SNAP47: variants seen among roughly 807,000 people sequenced by gnomAD.
SNAP47 encodes the protein synaptosome associated protein 47, also known as synaptosomal-associated protein 47.
Under a neutral mutation model 31.4 loss-of-function variants are expected in SNAP47, and 20 were observed. The observed-to-expected ratio is 0.64, with a 90% CI of 0.45 to 0.93. The LOEUF (loss-of-function observed/expected upper bound fraction) is 0.93, where lower values mean the gene tolerates loss of function less well. SNAP47 is among the 40% of genes least tolerant of loss of function. The probability of loss-of-function intolerance (pLI) is 0.00; values close to 1 mark genes in which losing one functional copy is unlikely to be tolerated. For missense variants in SNAP47, 492 were observed against 528.5 expected (o/e 0.93, Z 0.68); for synonymous variants, 194 against 213.4 (o/e 0.91, Z 0.79).
At chr1:227,739,523 T>C (rs965551057) in intron 1 of SNAP47, among the ~76,000 whole-genome samples, 4 of 152,202 alleles carry the variant, frequency 2.6e-5, no homozygotes, top group African/African-American at 9.6e-5. Flanking sequence ...GGCCGCACCC[T>C]ACCGCCCCTG....
At chr1:227,750,597 T>TCCTGGCTTCTCCCTGC (rs1310527730) in intron 2 of SNAP47, among the ~76,000 whole-genome samples, 1 of 152,134 alleles carries the variant, frequency 6.6e-6, no homozygotes, top group Admixed American at 6.5e-5. Flanking sequence ...GGTGCCTCCG[T>TCCTGGCTTCTCCCTGC]CCTGGCTTCT....
rs1254995895 is a variant in SNAP47 at position 227,781,210 on chromosome 1, G to C, written c.*537G>C. ...GGCCCCGTTTCCATCCAGAAATAAA[G>C]GGAAATGCTGGCTTCAGAGTGGTTT... On this transcript the variant is annotated 3_prime_UTR_variant, in exon 5 of 5. Transcript: ENST00000617596. 1 of 153,998 alleles carries C rather than the reference G, an allele frequency of 6.5e-6. No individual in the cohort carries two copies. Among genetic ancestry groups the C allele is most frequent in the Non-Finnish European group, 1.4e-5 (1 of 69,278 alleles). The allele number at this position is 153,998 out of a possible 1,614,324, so 9.5% of individuals were successfully genotyped here.
intron 4 of SNAP47, chr1:227,777,266 C>T (rs75900632): frequency 0.022 from 6,240 of 288,210 alleles, 77 homozygotes; most frequent in Non-Finnish European, 0.026. Context: ...GGGTCACTAG[C>T]ACGGCCAGTA....
rs371421049 is a variant in SNAP47, at chr1:227,747,653, A to G, written c.-45-39A>G. On this transcript the variant is annotated intron_variant, in intron 1 of 4. Coordinates refer to ENST00000617596, the MANE Select transcript of SNAP47 (RefSeq NM_053052.4). ...GTGGGGTTGCTTGTGTCTCCAGTCC[A>G]TGGGTGACGGCAGAACGTTACTGTC... The G allele has an allele frequency of 3.2e-5, 50 of 1,543,606 alleles. No individual in the cohort carries two copies. The African/African-American group carries it at 5.5e-4, about 17-fold the overall frequency.
At chr1:227,764,605 T>C (rs1663270220) in intron 3 of SNAP47, among the ~76,000 whole-genome samples, 1 of 151,810 alleles carries the variant, frequency 6.6e-6, no homozygotes, top group Admixed American at 6.6e-5. Flanking sequence ...CCCGTCTCTA[T>C]AAAAAAATAC....
intron 4 of SNAP47, chr1:227,770,642 C>T (rs1414971917): frequency 6.5e-6 from 1 of 154,870 alleles, no homozygotes; most frequent in East Asian, 1.9e-4. Context: ...TTCCCTATCC[C>T]TGATGTCTCT....
chr1:227,733,981 G>T (rs775524177), upstream of SNAP47: 1 of 1,613,952 alleles, frequency 6.2e-7, no homozygotes, highest in Non-Finnish European at 8.5e-7. Context: ...CATTCAGCCA[G>T]TCGGACGAGA....
At chr1:227,734,793 T>C (rs770598902), upstream of SNAP47, 2 of 1,614,014 alleles carry the variant, frequency 1.2e-6, no homozygotes, top group South Asian at 2.2e-5. Flanking sequence ...ACCCCACAGT[T>C]TGCAACTGGT....
At chr1:227,768,220 T>A in intron 4 of SNAP47, 1 of 957,762 alleles carries the variant, frequency 1.0e-6, no homozygotes, top group Non-Finnish European at 1.2e-6. Flanking sequence ...AGTCTCCAGG[T>A]GCAGCTTCCG....
intron 2 of SNAP47, among the ~76,000 whole-genome samples, chr1:227,752,925 C>G (rs1418904943): frequency 1.3e-5 from 2 of 152,220 alleles, no homozygotes; most frequent in African/African-American, 4.8e-5. Context: ...CTGGCCAGCC[C>G]ATTCCCAGAG....
upstream of SNAP47, chr1:227,731,198 G>A (rs569197195): frequency 3.3e-5 from 5 of 152,500 alleles, no homozygotes; most frequent in Admixed American, 3.3e-4. Context: ...CTGTTGGCTG[G>A]AGCGCATTCA....
rs190428552 is a variant in SNAP47 at position 227,747,283 on chromosome 1, G to A, written c.-45-409G>A. On this transcript the variant is annotated intron_variant, in intron 1 of 4. Coordinates refer to ENST00000617596, the MANE Select transcript of SNAP47 (RefSeq NM_053052.4). ...GCTCCTTGGAACGGTCTGAGAGTAC[G>A]TCCTGGGACTGAGGTCCGAGGCCCA... 7.3e-4 allele frequency: 125 copies of A among 170,332 alleles called. 1 individual carries two copies. The Middle Eastern group carries it at 0.01, about 14-fold the overall frequency. The allele number at this position is 170,332 out of a possible 1,614,324, so 10.6% of individuals were successfully genotyped here.
chr1:227,768,917 G>A (rs967065318), intron 4 of SNAP47, among the ~76,000 whole-genome samples: 2 of 152,208 alleles, frequency 1.3e-5, no homozygotes, highest in African/African-American at 2.4e-5. Context: ...TGTATCCCAC[G>A]GTTGTGTTTA....
At chr1:227,734,208 G>A (rs1660894883), upstream of SNAP47, 1 of 681,270 alleles carries the variant, frequency 1.5e-6, no homozygotes. Context: ...GAGGGGGCGG[G>A]GCAGTCTGAC....
At chr1:227,776,133 G>A (rs948994662) in intron 4 of SNAP47, 6 of 1,161,974 alleles carry the variant, frequency 5.2e-6, no homozygotes, top group South Asian at 1.7e-5. Flanking sequence ...TGGCTCTGAC[G>A]CCCTCAGCGG....
In SNAP47 at chr1:227,780,843, C is replaced by T; in HGVS notation, c.*170C>T. 1.2e-6 allele frequency: 1 copy of T among 856,908 alleles called. No individual in the cohort carries two copies. Among genetic ancestry groups the T allele is most frequent in the Non-Finnish European group, 1.7e-6 (1 of 572,052 alleles). 53.1% of individuals were successfully genotyped at this position (856,908 alleles called of 1,614,324 possible). On this transcript the variant is annotated 3_prime_UTR_variant, in exon 5 of 5. Transcript: ENST00000617596. ...CACCAGGGGCCTCCCCAGGTGTGCA[C>T]CATGCCTGCCTCCCACTTGGCTGTC...
chr1:227,735,976 C>A (rs1436102486), intron 1 of SNAP47, among the ~76,000 whole-genome samples: 1 of 146,668 alleles, frequency 6.8e-6, no homozygotes, highest in Non-Finnish European at 1.5e-5. Context: ...CTGGAGAGGA[C>A]GGTGGCACTT....
At position 227,740,082 on chromosome 1, in the gene SNAP47, G is replaced by C. The variant is rs143282862; in HGVS notation, c.-46+4583G>C. Among the ~76,000 whole-genome samples, 694 of 152,364 alleles carry C rather than the reference G, an allele frequency of 4.6e-3. 18 individuals are homozygous for C. The South Asian group carries it at 0.055, about 12-fold the overall frequency. ...CGGCCCTCCCATGATAGTGCCTTCT[G>C]TAGTGCGACAGTCATGAAAGCACCA... is the stretch of plus-strand genomic sequence containing the variant. On this transcript the variant is annotated intron_variant, in intron 1 of 4. Coordinates refer to ENST00000617596, the MANE Select transcript of SNAP47 (RefSeq NM_053052.4).
In SNAP47 at chr1:227,780,818, C is replaced by A; in HGVS notation, c.*145C>A. 8.7e-7 allele frequency: 1 copy of A among 1,147,316 alleles called. No homozygotes were observed. The highest frequency in any genetic ancestry group is 1.2e-6 in the Non-Finnish European group (1 of 826,884). 71.1% of individuals were successfully genotyped at this position (1,147,316 alleles called of 1,614,324 possible). ...GGCTGCTACTGTGGGGCTGCTTCTG[C>A]ACCAGGGGCCTCCCCAGGTGTGCAC... On this transcript the variant is annotated 3_prime_UTR_variant, in exon 5 of 5. Coordinates refer to ENST00000617596, the MANE Select transcript of SNAP47 (RefSeq NM_053052.4).
Sources: gnomAD v4.1 joint callset for allele counts (sites outside exome capture counted in the v4.1 genomes callset) on GRCh38, gnomAD v4.1.1 for gene constraint, MANE v1.5 for transcripts, NCBI Gene and HGNC (gene_info 2026-07-23, HGNC 2026-07-21) for gene names.